NAALADL2: variants seen among roughly 807,000 people sequenced by gnomAD.
The protein encoded by NAALADL2 is N-acetylated alpha-linked acidic dipeptidase like 2.
NAALADL2 carries 76 observed loss-of-function variants against 87.2 expected under a neutral mutation model. The ratio of observed to expected loss-of-function variants is 0.87; its 90% CI spans 0.72 to 1.05. The LOEUF (loss-of-function observed/expected upper bound fraction) is 1.05, where lower values mean the gene tolerates loss of function less well. Ranked by LOEUF, NAALADL2 falls within the 50% of genes least tolerant of loss-of-function variation. The probability of loss-of-function intolerance (pLI) is 0.00; values close to 1 mark genes in which losing one functional copy is unlikely to be tolerated. For missense variants in NAALADL2, 1,089 were observed against 945.8 expected, an observed-to-expected ratio of 1.15 and a Z score of -1.99; for synonymous variants, 354 against 331.0, an observed-to-expected ratio of 1.07 and a Z score of -0.75.
At chr3:174,592,513 A>G (rs1433640085) in intron 2 of NAALADL2, among the ~76,000 whole-genome samples, 1 of 152,184 alleles carries the variant, frequency 6.6e-6, no homozygotes, top group Non-Finnish European at 1.5e-5. Flanking sequence ...AATGATCTAC[A>G]TAATTTGGAT....
At chr3:175,307,731 T>C (rs1013502261) in intron 4 of NAALADL2, among the ~76,000 whole-genome samples, 1 of 152,216 alleles carries the variant, frequency 6.6e-6, no homozygotes, top group Non-Finnish European at 1.5e-5. Flanking sequence ...TTCTTAGCAC[T>C]GGTAAGCAAG....
intron 11 of NAALADL2, among the ~76,000 whole-genome samples, chr3:175,716,729 G>A (rs1267868470): frequency 6.6e-6 from 1 of 152,084 alleles, no homozygotes; most frequent in Non-Finnish European, 1.5e-5. Flanking sequence ...TGAGGGCAAT[G>A]GGAAGCCAAG....
intron 5 of NAALADL2, among the ~76,000 whole-genome samples, chr3:175,385,642 C>T (rs1208577209): frequency 6.6e-6 from 1 of 152,050 alleles, no homozygotes; most frequent in Non-Finnish European, 1.5e-5. Flanking sequence ...ATATCTCTAG[C>T]ATAAAGAAAA....
chr3:174,918,425 C>T lies in NAALADL2; in HGVS notation c.43+58975C>T, dbSNP rs1244640728. Among the ~76,000 whole-genome samples the T allele has an allele frequency of 3.9e-5, 6 of 152,044 alleles. No homozygotes were observed. The East Asian group carries it at 1.2e-3, about 29-fold the overall frequency. On this transcript the variant is annotated intron_variant, in intron 1 of 13. Coordinates refer to ENST00000454872, the MANE Select transcript of NAALADL2 (RefSeq NM_207015.3). ...CTGTATTAGCTATTGTATGAGAAAC[C>T]ACCTCAAAACTCACTGACTTAAAAT...
At chr3:174,967,177 T>C (rs995364665) in intron 1 of NAALADL2, among the ~76,000 whole-genome samples, 3 of 152,120 alleles carry the variant, frequency 2.0e-5, no homozygotes, top group Non-Finnish European at 4.4e-5. Flanking sequence ...TTTTTAAAGC[T>C]CTCTGATGAT....
intron 1 of NAALADL2, among the ~76,000 whole-genome samples, chr3:174,442,053 A>G (rs1714692101): frequency 6.6e-6 from 1 of 151,934 alleles, no homozygotes; most frequent in Non-Finnish European, 1.5e-5. Context: ...ATTAAAAATT[A>G]TGTCATAGGA....
At chr3:175,001,566 G>T (rs541313850) in intron 1 of NAALADL2, among the ~76,000 whole-genome samples, 2 of 152,128 alleles carry the variant, frequency 1.3e-5, no homozygotes, top group South Asian at 4.2e-4. Flanking sequence ...ATTCTTTTGG[G>T]AGTCCAGATA....
chr3:174,829,196 T>C (rs903643946), intron 3 of NAALADL2, among the ~76,000 whole-genome samples: 4 of 151,858 alleles, frequency 2.6e-5, no homozygotes, highest in Non-Finnish European at 5.9e-5. Flanking sequence ...ACATGTGCCA[T>C]GCTGGTGCGC....
At chr3:175,043,128 A>G (rs1376727724) in intron 1 of NAALADL2, among the ~76,000 whole-genome samples, 2 of 152,170 alleles carry the variant, frequency 1.3e-5, no homozygotes, top group Admixed American at 6.6e-5. Flanking sequence ...TATTCTTTGT[A>G]AATTACCCAG....
intron 2 of NAALADL2, among the ~76,000 whole-genome samples, chr3:174,613,600 C>T (rs1720156559): frequency 6.6e-6 from 1 of 152,164 alleles, no homozygotes; most frequent in Non-Finnish European, 1.5e-5. Flanking sequence ...CAGGCTACTG[C>T]TGATGTTCCC....
At chr3:175,368,757 A>G (rs1214993751) in intron 5 of NAALADL2, among the ~76,000 whole-genome samples, 1 of 152,156 alleles carries the variant, frequency 6.6e-6, no homozygotes, top group Non-Finnish European at 1.5e-5. Context: ...CAACTAGGTT[A>G]TGTCGTATAG....
chr3:175,094,305 G>GA (rs899963648), intron 1 of NAALADL2, among the ~76,000 whole-genome samples: 23 of 151,128 alleles, frequency 1.5e-4, no homozygotes, highest in Admixed American at 2.6e-4. Flanking sequence ...AGGCCAAAGA[G>GA]AAAAAAAAAT....
intron 3 of NAALADL2, among the ~76,000 whole-genome samples, chr3:174,821,641 A>T (rs980077863): frequency 1.4e-4 from 22 of 152,258 alleles, no homozygotes; most frequent in East Asian, 3.9e-4. Context: ...CAGAGTTCTG[A>T]CTTCCCAGAG....
At chr3:175,694,669 A>G (rs1180032820) in intron 11 of NAALADL2, among the ~76,000 whole-genome samples, 1 of 152,158 alleles carries the variant, frequency 6.6e-6, no homozygotes, top group Non-Finnish European at 1.5e-5. Flanking sequence ...GCTAAGGGAA[A>G]ATAACATATA....
chr3:175,279,785 TGA>T (rs374196423), intron 4 of NAALADL2, among the ~76,000 whole-genome samples: 101 of 125,880 alleles, frequency 8.0e-4, no homozygotes, highest in South Asian at 2.6e-3. Flanking sequence ...GCATAGTGTG[TGA>T]GTGTGTGTGT....
chr3:174,512,668 A>C (rs1179253800), intron 1 of NAALADL2, among the ~76,000 whole-genome samples: 1 of 152,058 alleles, frequency 6.6e-6, no homozygotes, highest in Non-Finnish European at 1.5e-5. Context: ...GGCCTCCCCA[A>C]ACGGATCTCT....
intron 2 of NAALADL2, among the ~76,000 whole-genome samples, chr3:175,214,730 G>A (rs1320899109): frequency 1.3e-5 from 2 of 152,078 alleles, no homozygotes; most frequent in African/African-American, 4.8e-5. Flanking sequence ...ACTAAACTGG[G>A]TAACTTTAAT....
chr3:175,148,125 A>ATAATAATAAAAT (rs1417483172), intron 2 of NAALADL2, among the ~76,000 whole-genome samples: 5 of 138,106 alleles, frequency 3.6e-5, no homozygotes, highest in Admixed American at 3.0e-4. Flanking sequence ...AATAATAATA[A>ATAATAATAAAAT]AATAATAATA....
chr3:174,807,125 T>G (rs1719597567), intron 3 of NAALADL2, among the ~76,000 whole-genome samples: 1 of 152,112 alleles, frequency 6.6e-6, no homozygotes, highest in Non-Finnish European at 1.5e-5. Context: ...GGATTTGAAA[T>G]TTTATTAGCT....
Sources: allele counts gnomAD v4.1 joint callset (sites outside exome capture counted in the v4.1 genomes callset), GRCh38; gene constraint gnomAD v4.1.1; transcripts MANE v1.5; gene names NCBI Gene and HGNC (gene_info 2026-07-23, HGNC 2026-07-21).